MITF: variants seen among roughly 807,000 people sequenced by gnomAD.
The protein encoded by MITF is microphthalmia-associated transcription factor.
In MITF, 17 loss-of-function variants were observed where a neutral mutation model predicts 60.5. That is an observed-to-expected ratio of 0.28 (90% confidence interval 0.19 to 0.42). The LOEUF (loss-of-function observed/expected upper bound fraction) is 0.42. Ranked by LOEUF, MITF falls within the 10% of genes least tolerant of loss-of-function variation. The probability of loss-of-function intolerance (pLI) is 1.00; values close to 1 mark genes in which losing one functional copy is unlikely to be tolerated. For synonymous variants in MITF, 260 were observed against 248.5 expected, an observed-to-expected ratio of 1.05 and a Z score of -0.43; for missense variants, 622 against 683.5, an observed-to-expected ratio of 0.91 and a Z score of 1.00.
chr3:69,816,880 A>G (rs1258359454), intron 1 of MITF, among the ~76,000 whole-genome samples: 1 of 152,210 alleles, frequency 6.6e-6, no homozygotes, highest in African/African-American at 2.4e-5. Context: ...GATGTTACAT[A>G]GAAAAAAATG....
chr3:69,920,442 T>C (rs2065440197), intron 2 of MITF, among the ~76,000 whole-genome samples: 1 of 152,188 alleles, frequency 6.6e-6, no homozygotes, highest in African/African-American at 2.4e-5. Flanking sequence ...GCTTCGGTGG[T>C]CACACTCCTA....
intron 2 of MITF, among the ~76,000 whole-genome samples, chr3:69,911,391 C>A (rs2065221634): frequency 6.6e-6 from 1 of 152,156 alleles, no homozygotes; most frequent in African/African-American, 2.4e-5. Flanking sequence ...GTGCCTCAGA[C>A]TCTTGGGCTC....
chr3:69,845,525 T>C (rs1359762372), intron 1 of MITF, among the ~76,000 whole-genome samples: 2 of 150,586 alleles, frequency 1.3e-5, no homozygotes, highest in Non-Finnish European at 3.0e-5. Flanking sequence ...GTACCTAAAG[T>C]TGGTTGACTC....
chr3:69,823,462 C>A (rs2063308194), intron 1 of MITF, among the ~76,000 whole-genome samples: 1 of 152,098 alleles, frequency 6.6e-6, no homozygotes. Flanking sequence ...GCCAAAGAAG[C>A]TCTCTGGTGT....
At chr3:69,924,822 C>T (rs894335934) in intron 2 of MITF, among the ~76,000 whole-genome samples, 3 of 152,182 alleles carry the variant, frequency 2.0e-5, no homozygotes, top group South Asian at 2.1e-4. Flanking sequence ...AAAGATGTCA[C>T]GAAAGCCTTC....
intron 1 of MITF, among the ~76,000 whole-genome samples, chr3:69,799,019 T>C (rs546821369): frequency 7.2e-4 from 109 of 152,334 alleles, no homozygotes; most frequent in African/African-American, 2.5e-3. Flanking sequence ...TAGGTTCTGA[T>C]ACAGCAGAGA....
chr3:69,773,228 G>C (rs1002218305), intron 1 of MITF, among the ~76,000 whole-genome samples: 1 of 152,180 alleles, frequency 6.6e-6, no homozygotes, highest in African/African-American at 2.4e-5. Context: ...ACAGCGGCTG[G>C]ACCAGGCTGA....
chr3:69,961,307 G>A (rs1034095383), intron 9 of MITF, among the ~76,000 whole-genome samples: 2 of 151,742 alleles, frequency 1.3e-5, no homozygotes, highest in African/African-American at 2.4e-5. Context: ...ACTTGAACCC[G>A]GGAGGCAGAG....
At chr3:69,806,316 ACCT>A (rs2063006616) in intron 1 of MITF, among the ~76,000 whole-genome samples, 1 of 151,934 alleles carries the variant, frequency 6.6e-6, no homozygotes, top group Non-Finnish European at 1.5e-5. Flanking sequence ...TGAACTCCTG[ACCT>A]CAAGTGATCA....
At chr3:69,847,119 C>T (rs777284710) in intron 1 of MITF, among the ~76,000 whole-genome samples, 1 of 152,120 alleles carries the variant, frequency 6.6e-6, no homozygotes, top group Non-Finnish European at 1.5e-5. Context: ...TGGTCACCCT[C>T]TATAAGGACA....
At chr3:69,836,944 A>G (rs550978680) in intron 1 of MITF, among the ~76,000 whole-genome samples, 8 of 152,302 alleles carry the variant, frequency 5.3e-5, no homozygotes, top group Admixed American at 2.6e-4. Context: ...AACTGATCCA[A>G]TGGAAATATT....
intron 1 of MITF, among the ~76,000 whole-genome samples, chr3:69,821,206 C>G (rs2063265672): frequency 6.6e-6 from 1 of 152,182 alleles, no homozygotes; most frequent in Admixed American, 6.5e-5. Context: ...TGCTTCACTT[C>G]CATTGCTAAA....
intron 1 of MITF, among the ~76,000 whole-genome samples, chr3:69,855,260 C>CAAAAAAAAAAAAAA (rs33962275): frequency 1.2e-5 from 1 of 84,602 alleles, no homozygotes; most frequent in African/African-American, 4.5e-5. Flanking sequence ...TTCCCATAAG[C>CAAAAAAAAAAAAAA]AAAAAAAAAA....
intron 2 of MITF, among the ~76,000 whole-genome samples, chr3:69,922,245 C>T (rs542870812): frequency 1.1e-4 from 16 of 151,838 alleles, no homozygotes; most frequent in South Asian, 8.3e-4. Flanking sequence ...TTTTTTCAGA[C>T]GGAGTCTCAC....
intron 1 of MITF, among the ~76,000 whole-genome samples, chr3:69,757,609 G>C (rs138949662): frequency 6.6e-6 from 1 of 152,008 alleles, no homozygotes; most frequent in Non-Finnish European, 1.5e-5. Flanking sequence ...GGTGTTGAGA[G>C]TTAGGACACC....
chr3:69,897,047 A>C, intron 2 of MITF, among the ~76,000 whole-genome samples: 1 of 152,188 alleles, frequency 6.6e-6, no homozygotes, highest in Admixed American at 6.5e-5. Flanking sequence ...GTGAAATGCA[A>C]GGTAGCAGAA....
At chr3:69,892,784 T>A (rs770746541) in intron 2 of MITF, among the ~76,000 whole-genome samples, 5 of 152,238 alleles carry the variant, frequency 3.3e-5, no homozygotes, top group Non-Finnish European at 7.3e-5. Context: ...CTTCATGGTC[T>A]GTCTCTGACA....
chr3:69,863,177 C>T (rs1003184829), intron 1 of MITF, among the ~76,000 whole-genome samples: 1 of 152,150 alleles, frequency 6.6e-6, no homozygotes, highest in Non-Finnish European at 1.5e-5. Context: ...TTAAACCAAA[C>T]GGACATGGTT....
At chr3:69,739,866 C>T (rs983342988) in intron 1 of MITF, among the ~76,000 whole-genome samples, 165 bp downstream of exon 1, 1 of 152,106 alleles carries the variant, frequency 6.6e-6, no homozygotes, top group African/African-American at 2.4e-5. Flanking sequence ...GCCGCGCCTG[C>T]CCGGCCCAAG....
Sources: allele counts gnomAD v4.1 joint callset (sites outside exome capture counted in the v4.1 genomes callset), GRCh38; gene constraint gnomAD v4.1.1; transcripts MANE v1.5; gene names NCBI Gene and HGNC (gene_info 2026-07-23, HGNC 2026-07-21).